Variants in POFUT3 observed in about 807,000 individuals in gnomAD.
The protein encoded by POFUT3 is GDP-fucose protein O-fucosyltransferase 3.
At chr8:33,393,401 G>A in the POFUT3 span, among the ~76,000 whole-genome samples, 1 of 152,176 alleles carries the variant, frequency 6.6e-6, no homozygotes, top group Non-Finnish European at 1.5e-5. Flanking sequence ...GCACTAATGT[G>A]CACTGTAAAG....
At chr8:33,468,732 G>A in the POFUT3 span, among the ~76,000 whole-genome samples, 1 of 152,148 alleles carries the variant, frequency 6.6e-6, no homozygotes, top group Non-Finnish European at 1.5e-5. Context: ...TCCCAGTGGT[G>A]ACCCTTTTGC....
chr8:33,332,541 G>A, the POFUT3 span, among the ~76,000 whole-genome samples: 2,217 of 151,514 alleles, frequency 0.015, 55 homozygotes, highest in African/African-American at 0.051. Context: ...GAGGGAGGGA[G>A]GGAGGGTAGT....
the POFUT3 span, among the ~76,000 whole-genome samples, chr8:33,470,236 C>CAAAAAAAAAAAAAAA: frequency 1.1e-4 from 10 of 89,072 alleles, no homozygotes; most frequent in African/African-American, 3.7e-4. Flanking sequence ...CCCATCTCTA[C>CAAAAAAAAAAAAAAA]AAAAAAAAAA....
At chr8:33,422,276 T>C in the POFUT3 span, among the ~76,000 whole-genome samples, 104,525 of 150,704 alleles carry the variant, frequency 0.69, 37,256 homozygotes, top group African/African-American at 0.86. Flanking sequence ...GGCGCGGTGG[T>C]TCCCGCCTGT....
At chr8:33,421,540 T>C in the POFUT3 span, among the ~76,000 whole-genome samples, 1 of 152,086 alleles carries the variant, frequency 6.6e-6, no homozygotes, top group African/African-American at 2.4e-5. Flanking sequence ...TCTTGATTAA[T>C]GGGGAAATGT....
At chr8:33,392,195 G>A in the POFUT3 span, among the ~76,000 whole-genome samples, 109 of 152,214 alleles carry the variant, frequency 7.2e-4, no homozygotes, top group African/African-American at 2.4e-3. Context: ...CCACACATGC[G>A]TGCGCATGTG....
the POFUT3 span, among the ~76,000 whole-genome samples, chr8:33,315,274 G>A: frequency 6.6e-6 from 1 of 152,122 alleles, no homozygotes; most frequent in Non-Finnish European, 1.5e-5. Flanking sequence ...CTTGAAGTAG[G>A]TCATTCCTTG....
At chr8:33,447,286 A>G in the POFUT3 span, among the ~76,000 whole-genome samples, 22 of 152,170 alleles carry the variant, frequency 1.4e-4, no homozygotes, top group East Asian at 4.3e-3. Flanking sequence ...CGTCTCTACT[A>G]AAAATACAAA....
At chr8:33,461,599 T>C in the POFUT3 span, 1 of 1,536,266 alleles carries the variant, frequency 6.5e-7, no homozygotes, top group South Asian at 1.2e-5. Context: ...CAGGTCTCCA[T>C]GAAGGACTGA....
the POFUT3 span, among the ~76,000 whole-genome samples, chr8:33,364,466 A>T: frequency 1.3e-5 from 2 of 152,212 alleles, no homozygotes; most frequent in Non-Finnish European, 2.9e-5. Context: ...CAATTAGGAA[A>T]TGAGGAAGTC....
At chr8:33,350,845 A>T in the POFUT3 span, among the ~76,000 whole-genome samples, 1 of 152,200 alleles carries the variant, frequency 6.6e-6, no homozygotes, top group African/African-American at 2.4e-5. Flanking sequence ...TAAGGGACCT[A>T]TTGGGGTGGA....
the POFUT3 span, among the ~76,000 whole-genome samples, chr8:33,329,023 T>C: frequency 2.0e-5 from 3 of 152,230 alleles, no homozygotes; most frequent in African/African-American, 4.8e-5. Context: ...GCCTAGTGAA[T>C]CTATCGGACA....
At chr8:33,387,846 A>G in the POFUT3 span, among the ~76,000 whole-genome samples, 1 of 152,188 alleles carries the variant, frequency 6.6e-6, no homozygotes, top group South Asian at 2.1e-4. Flanking sequence ...AAAACCTTAC[A>G]CATCTATGAG....
the POFUT3 span, chr8:33,455,832 T>C: frequency 1.8e-4 from 83 of 455,688 alleles, no homozygotes; most frequent in African/African-American, 1.5e-3. Flanking sequence ...AAGCATTGCA[T>C]GGAGTCTGTA....
the POFUT3 span, among the ~76,000 whole-genome samples, chr8:33,450,819 A>T: frequency 1.3e-5 from 2 of 152,222 alleles, no homozygotes; most frequent in Non-Finnish European, 2.9e-5. Context: ...TCTTAAGTGT[A>T]CTGACAAAAT....
chr8:33,406,817 A>T, the POFUT3 span, among the ~76,000 whole-genome samples: 2 of 152,128 alleles, frequency 1.3e-5, no homozygotes, highest in Non-Finnish European at 2.9e-5. Flanking sequence ...CTCCCATCTC[A>T]GCTCGCCAAA....
At chr8:33,404,065 C>T in the POFUT3 span, among the ~76,000 whole-genome samples, 2 of 151,884 alleles carry the variant, frequency 1.3e-5, no homozygotes, top group Non-Finnish European at 2.9e-5. Context: ...AGGCCGGGCG[C>T]GGTAGCTCAC....
At chr8:33,462,491 A>G in the POFUT3 span, among the ~76,000 whole-genome samples, 1 of 152,182 alleles carries the variant, frequency 6.6e-6, no homozygotes, top group Non-Finnish European at 1.5e-5. Flanking sequence ...GCCACAGCAT[A>G]AGGAATTCTG....
chr8:33,436,754 G>A, the POFUT3 span: 30 of 577,794 alleles, frequency 5.2e-5, no homozygotes, highest in African/African-American at 7.5e-5. Context: ...CAGCACGGAC[G>A]CTTCTGACAA....
Sources: allele counts gnomAD v4.1 joint callset (sites outside exome capture counted in the v4.1 genomes callset), GRCh38; gene constraint gnomAD v4.1.1; transcripts MANE v1.5; gene names NCBI Gene and HGNC (gene_info 2026-07-23, HGNC 2026-07-21).